The following ATL3 variants were observed in gnomAD, a reference collection of about 807,000 sequenced individuals.
The protein encoded by ATL3 is atlastin-3.
ATL3 carries 49 observed loss-of-function variants against 69.5 expected under a neutral mutation model. The ratio of observed to expected loss-of-function variants is 0.71; its 90% CI spans 0.56 to 0.89. The LOEUF (loss-of-function observed/expected upper bound fraction) is 0.89. Ranked by LOEUF, ATL3 falls within the 40% of genes least tolerant of loss-of-function variation. ATL3 has a pLI of 0.00. For synonymous variants in ATL3, 214 were observed against 224.1 expected (o/e 0.95, Z 0.40); for missense variants, 606 against 645.7 (o/e 0.94, Z 0.67).
upstream of ATL3, chr11:63,671,683 C>G (rs1292434444): frequency 3.0e-6 from 4 of 1,336,444 alleles, no homozygotes; most frequent in East Asian, 4.7e-5. Flanking sequence ...ATTGTAGTCC[C>G]GCGCTCACTG....
intron 3 of ATL3, 69 bp downstream of exon 3, chr11:63,658,692 C>T: frequency 6.7e-7 from 1 of 1,494,766 alleles, no homozygotes; most frequent in Non-Finnish European, 8.9e-7. Flanking sequence ...ATTGGGTTAA[C>T]ACAGTACATG....
At chr11:63,653,960 A>G (rs1940160412) in intron 3 of ATL3, among the ~76,000 whole-genome samples, 1 of 152,180 alleles carries the variant, frequency 6.6e-6, no homozygotes, top group African/African-American at 2.4e-5. Flanking sequence ...CAACACAATG[A>G]GTGAGCCCTA....
chr11:63,633,109 G>T lies in ATL3; in HGVS notation c.1036-12C>A. ...GCTTCAGCAGTGGCCTTTTAAGAGA[G>T]AAAAACGTGAACTGTAAATCCTTCC... On this transcript the variant is annotated splice_polypyrimidine_tract_variant and intron_variant, in intron 10 of 12. Coordinates refer to ENST00000398868, the MANE Select transcript of ATL3 (RefSeq NM_015459.5). 1 of 1,610,522 alleles carries T rather than the reference G, an allele frequency of 6.2e-7. No homozygotes were observed.
chr11:63,664,227 C>G (rs749983076), intron 1 of ATL3, among the ~76,000 whole-genome samples: 5 of 152,142 alleles, frequency 3.3e-5, no homozygotes, highest in African/African-American at 4.8e-5. Flanking sequence ...TTTGTTTTAT[C>G]TATTTCACTA....
chr11:63,644,194 A>G lies in ATL3; in HGVS notation c.686T>C (p.Met229Thr). 6.2e-7 allele frequency: 1 copy of G among 1,610,436 alleles called. No individual in the cohort carries two copies. The highest frequency in any genetic ancestry group is 1.1e-5 in the South Asian group (1 of 90,358). Residue 229 changes from methionine to threonine, a missense_variant, in exon 7 of 13, where the codon ATG (methionine) becomes ACG (threonine). Physicochemically the swap from Met to Thr is moderately conservative, Grantham distance 81 (BLOSUM62 -1). Transcript: ENST00000398868. ...YEYSYGLQGG[M>T]AFLDKRLQVK... ...CTGTAAACGCTTATCCAAAAATGCC[A>G]TTCCTCCTTGGAGTCCATAGCTATA...
chr11:63,649,282 A>G (rs995706112), intron 5 of ATL3, among the ~76,000 whole-genome samples: 1 of 152,134 alleles, frequency 6.6e-6, no homozygotes, highest in Admixed American at 6.5e-5. Context: ...TTTAATCAGA[A>G]GGCTCTGCAT....
chr11:63,635,367 A>G (rs567240979), intron 10 of ATL3, among the ~76,000 whole-genome samples, 167 bp downstream of exon 10: 67 of 151,084 alleles, frequency 4.4e-4, no homozygotes, highest in African/African-American at 1.6e-3. Context: ...AGTGAACTAG[A>G]AAAGGTCGCC....
At chr11:63,658,709 T>G in intron 3 of ATL3, 52 bp downstream of exon 3, 3 of 1,546,044 alleles carry the variant, frequency 1.9e-6, no homozygotes, top group Non-Finnish European at 2.6e-6. Flanking sequence ...CATGCTGAAG[T>G]TCATATTTTG....
In ATL3 at chr11:63,671,298, C is replaced by A; in HGVS notation, c.38G>T (p.Arg13Ile). 6.3e-7 allele frequency: 1 copy of A among 1,587,114 alleles called. No homozygotes were observed. The highest frequency in any genetic ancestry group is 1.7e-5 in the Admixed American group (1 of 57,634). ...GAAAATCGGCGCCTCACCTGCTCCT[C>A]TTGAGGCAGCTGCTGCCACTCGCTG... ...SPQRVAAAASRGADDAMESSK... is the reference protein window; with the variant it reads ...SPQRVAAAASIGADDAMESSK... The change falls in exon 1 of 13, where the codon AGA (arginine) becomes ATA (isoleucine). Residue 13 changes from arginine to isoleucine, a missense_variant. Coordinates refer to ENST00000398868, the MANE Select transcript of ATL3 (RefSeq NM_015459.5).
intron 11 of ATL3, 169 bp downstream of exon 11, chr11:63,632,857 A>G: frequency 1.2e-5 from 9 of 770,184 alleles, no homozygotes; most frequent in Non-Finnish European, 1.5e-5. Flanking sequence ...CAAACAAACA[A>G]ACAAAGAAAT....
At position 63,636,291 on chromosome 11, in the gene ATL3, C is replaced by T. The variant is rs368338433; in HGVS notation, c.894G>A (p.Pro298=). 1.2e-5 allele frequency: 19 copies of T among 1,613,918 alleles called. No individual in the cohort carries two copies. Among genetic ancestry groups the T allele is most frequent in the Middle Eastern group, 3.3e-4 (2 of 6,082 alleles). The stretch of plus-strand genomic sequence containing the variant: ...TTAACTTAGATGGGTTTAATACATA[C>T]GGTATCAGTGCCTGTAACTGCTCTT... ...EFKEQLQALI[P]YVLNPSKLME... Residue 298 remains proline (P), a synonymous_variant, in exon 9 of 13, where the codon CCG becomes CCA. Transcript: ENST00000398868.
chr11:63,634,741 C>A (rs930174934), intron 10 of ATL3, among the ~76,000 whole-genome samples: 2 of 152,092 alleles, frequency 1.3e-5, no homozygotes, highest in Admixed American at 6.5e-5. Context: ...AATAACAGGT[C>A]AGGCACAGTG....
Position 63,636,440 on chromosome 11 carries a change from G to A in ATL3, c.851-106C>T, listed in dbSNP as rs572178401. On this transcript the variant is annotated intron_variant, in intron 8 of 12. Transcript: ENST00000398868. ...CAGTCTAGTGCTTTTAACATTGGTT[G>A]TTAAAAGTGAGAGAGAAGCCGGGCA... 4.9e-5 allele frequency: 72 copies of A among 1,480,128 alleles called. 1 individual carries two copies. In the South Asian group the frequency reaches 5.7e-4, roughly 12 times the overall value. 91.7% of individuals were successfully genotyped at this position (1,480,128 alleles called of 1,614,324 possible).
At chr11:63,646,872 T>G (rs563537913) in intron 5 of ATL3, among the ~76,000 whole-genome samples, 14 of 152,192 alleles carry the variant, frequency 9.2e-5, no homozygotes, top group Non-Finnish European at 1.5e-4. Flanking sequence ...ACATTGACTC[T>G]TTTATAATAT....
chr11:63,669,498 G>A (rs1940705443), intron 1 of ATL3, among the ~76,000 whole-genome samples: 1 of 151,866 alleles, frequency 6.6e-6, no homozygotes, highest in Non-Finnish European at 1.5e-5. Context: ...TCGCGCCATT[G>A]CACTCCACCC....
intron 8 of ATL3, 71 bp from the exon 9 acceptor site, chr11:63,636,405 G>A (rs1939519115): frequency 6.3e-7 from 1 of 1,589,984 alleles, no homozygotes; most frequent in East Asian, 2.2e-5. Context: ...AACACACAAT[G>A]CAGTCTTCCC....
chr11:63,634,424 G>A (rs558122392), intron 10 of ATL3, among the ~76,000 whole-genome samples: 55 of 150,226 alleles, frequency 3.7e-4, no homozygotes, highest in African/African-American at 1.3e-3. Flanking sequence ...GGAGAATGGC[G>A]TGAACCCAGG....
chr11:63,660,674 G>A (rs910126284), intron 1 of ATL3, among the ~76,000 whole-genome samples: 3 of 152,064 alleles, frequency 2.0e-5, no homozygotes, highest in African/African-American at 7.2e-5. Flanking sequence ...GAGAGCTGAG[G>A]CAGGAGGATT....
rs1291518008 is a variant in ATL3 at position 63,624,475 on chromosome 11, T to C, written c.*4844A>G. 1 of 152,220 alleles carries C rather than the reference T, an allele frequency of 6.6e-6. No homozygotes were observed. Among genetic ancestry groups the C allele is most frequent in the Non-Finnish European group, 1.5e-5 (1 of 68,036 alleles). The allele number at this position is 152,220 out of a possible 1,614,324, so 9.4% of individuals were successfully genotyped here. A position where few individuals can be genotyped will look rare whatever the true frequency, so the allele number is the denominator to read the frequency against. On this transcript the variant is annotated 3_prime_UTR_variant, in exon 13 of 13. Transcript: ENST00000398868. ...TTCAAAGCCCTTCTGTCCCTAGATC[T>C]GTTTTGCAAAGTTTCTGATATGGGG... is the stretch of plus-strand genomic sequence containing the variant.
Sources: allele counts gnomAD v4.1 joint callset (sites outside exome capture counted in the v4.1 genomes callset), GRCh38; gene constraint gnomAD v4.1.1; transcripts MANE v1.5; gene names NCBI Gene and HGNC (gene_info 2026-07-23, HGNC 2026-07-21).